FILIP1L: variants seen among roughly 807,000 people sequenced by gnomAD.
FILIP1L encodes the protein filamin A-interacting protein 1-like.
Under a neutral mutation model 96.6 loss-of-function variants are expected in FILIP1L, and 55 were observed. That is an observed-to-expected ratio of 0.57 (90% CI 0.46 to 0.71). FILIP1L has a LOEUF of 0.71. Ranked by LOEUF, FILIP1L falls within the 30% of genes least tolerant of loss-of-function variation. FILIP1L has a pLI of 0.00. For synonymous variants in FILIP1L, 467 were observed against 473.9 expected (o/e 0.99, Z 0.19); for missense variants, 1,304 against 1,321.2 (o/e 0.99, Z 0.20).
chr3:99,931,063 A>T, intron 1 of FILIP1L, 33 bp from the exon 2 acceptor site: 1 of 1,588,478 alleles, frequency 6.3e-7, no homozygotes, highest in South Asian at 1.1e-5. Context: ...GTAAAGCTTA[A>T]TGGAAATGGA....
At chr3:99,990,183 G>T (rs1459396740) in intron 1 of FILIP1L, among the ~76,000 whole-genome samples, 1 of 152,136 alleles carries the variant, frequency 6.6e-6, no homozygotes, top group Non-Finnish European at 1.5e-5. Context: ...AAACAGAAAG[G>T]CTAGTCCTAA....
intron 4 of FILIP1L, among the ~76,000 whole-genome samples, chr3:99,881,144 G>A (rs943657747): frequency 6.6e-6 from 1 of 152,106 alleles, no homozygotes; most frequent in Non-Finnish European, 1.5e-5. Flanking sequence ...GTTTACAGGG[G>A]ATGCCATAAG....
intron 1 of FILIP1L, among the ~76,000 whole-genome samples, chr3:100,058,527 C>G (rs2065504569): frequency 6.6e-6 from 1 of 152,232 alleles, no homozygotes; most frequent in Non-Finnish European, 1.5e-5. Flanking sequence ...TACTCACATC[C>G]CCAATCTAAA....
At chr3:100,051,896 ATATT>A (rs1170250068) in intron 1 of FILIP1L, among the ~76,000 whole-genome samples, 1 of 148,584 alleles carries the variant, frequency 6.7e-6, no homozygotes, top group African/African-American at 2.4e-5. Context: ...TATATGTCAT[ATATT>A]TATTAATATG....
intron 4 of FILIP1L, among the ~76,000 whole-genome samples, chr3:99,871,417 T>C (rs1944780813): frequency 6.6e-6 from 1 of 152,234 alleles, no homozygotes; most frequent in Non-Finnish European, 1.5e-5. Flanking sequence ...CTCGGTACTT[T>C]CCTAGGCACT....
At chr3:99,932,207 C>T (rs139048546) in intron 1 of FILIP1L, among the ~76,000 whole-genome samples, 81 of 152,224 alleles carry the variant, frequency 5.3e-4, no homozygotes, top group African/African-American at 1.9e-3. Context: ...GAAGTAACCA[C>T]GTAATCTTGA....
chr3:100,110,185 G>A (rs2066467132), intron 1 of FILIP1L, among the ~76,000 whole-genome samples: 1 of 151,962 alleles, frequency 6.6e-6, no homozygotes. Flanking sequence ...AAAACTGGAG[G>A]GGAAAACATA....
At chr3:99,971,060 G>A (rs961936392) in intron 1 of FILIP1L, among the ~76,000 whole-genome samples, 10 of 152,168 alleles carry the variant, frequency 6.6e-5, no homozygotes, top group Non-Finnish European at 1.3e-4. Context: ...TATGGGGGCT[G>A]GGCGTGGTGG....
intron 1 of FILIP1L, among the ~76,000 whole-genome samples, chr3:100,029,795 C>T (rs987010517): frequency 6.6e-6 from 1 of 152,156 alleles, no homozygotes; most frequent in Non-Finnish European, 1.5e-5. Flanking sequence ...GAGCCTGTCA[C>T]TACGCTATAT....
intron 1 of FILIP1L, among the ~76,000 whole-genome samples, chr3:100,010,778 A>ATTTTTTTTTTTTTTTTTT (rs11371196): frequency 1.1e-5 from 1 of 93,678 alleles, no homozygotes; most frequent in Non-Finnish European, 2.0e-5. Context: ...CCACGCCCGG[A>ATTTTTTTTTTTTTTTTTT]TTTTTTTTTT....
chr3:100,089,904 T>C (rs1445941551), intron 1 of FILIP1L, among the ~76,000 whole-genome samples: 1 of 152,204 alleles, frequency 6.6e-6, no homozygotes, highest in African/African-American at 2.4e-5. Flanking sequence ...GGCTGTGAAC[T>C]GTAGGAATTG....
intron 1 of FILIP1L, among the ~76,000 whole-genome samples, chr3:100,016,450 G>GTGAGCTA (rs1398980281): frequency 6.6e-6 from 1 of 152,164 alleles, no homozygotes; most frequent in Admixed American, 6.5e-5. Context: ...CTCGGAAAGT[G>GTGAGCTA]CTGGGATTAC....
intron 4 of FILIP1L, among the ~76,000 whole-genome samples, chr3:99,854,871 C>A (rs1208073362): frequency 1.3e-5 from 2 of 152,182 alleles, no homozygotes; most frequent in Admixed American, 6.5e-5. Context: ...ATCTTCCCTG[C>A]TAGTGGCCTA....
chr3:99,892,633 C>T (rs147206764), intron 4 of FILIP1L, among the ~76,000 whole-genome samples: 4 of 152,310 alleles, frequency 2.6e-5, no homozygotes, highest in South Asian at 4.1e-4. Flanking sequence ...AAACCTGCAA[C>T]ACCCAGAGGT....
intron 1 of FILIP1L, among the ~76,000 whole-genome samples, chr3:100,070,933 T>C (rs1220292779): frequency 1.3e-5 from 2 of 152,160 alleles, no homozygotes; most frequent in South Asian, 4.1e-4. Context: ...GCCTGGCCTG[T>C]GGTTTTCTTT....
chr3:99,877,074 C>G (rs1221047684), intron 4 of FILIP1L, among the ~76,000 whole-genome samples: 1 of 152,148 alleles, frequency 6.6e-6, no homozygotes, highest in African/African-American at 2.4e-5. Flanking sequence ...TTTACTTGTA[C>G]AAATCCTACT....
intron 1 of FILIP1L, among the ~76,000 whole-genome samples, chr3:100,091,279 C>T (rs1312433337): frequency 4.2e-5 from 6 of 142,900 alleles, no homozygotes; most frequent in African/African-American, 1.6e-4. Context: ...AGCGAGACTC[C>T]GTCTCAAAAA....
intron 1 of FILIP1L, among the ~76,000 whole-genome samples, chr3:100,010,816 T>TG (rs1265963937): frequency 4.6e-5 from 4 of 86,080 alleles, no homozygotes; most frequent in African/African-American, 9.5e-5. Flanking sequence ...TTAGTAGAGG[T>TG]GGGGGTTTCA....
rs950054832 is a variant in FILIP1L at position 99,877,967 on chromosome 3, C to T, written c.606-26897G>A. Among the ~76,000 whole-genome samples the T allele has an allele frequency of 2.6e-5, 4 of 152,300 alleles. No homozygotes were observed. The South Asian group carries it at 8.3e-4, about 32-fold the overall frequency. On this transcript the variant is annotated intron_variant, in intron 4 of 5. Coordinates refer to ENST00000477258, the MANE Select transcript of FILIP1L (RefSeq NM_001387850.1). ...TTTGTTTCTTTCTCACATATCCATA[C>T]TCAAGTTTTGCATTTATTTTCATTC...
Sources: gnomAD v4.1 joint callset for allele counts (sites outside exome capture counted in the v4.1 genomes callset) on GRCh38, gnomAD v4.1.1 for gene constraint, MANE v1.5 for transcripts, NCBI Gene and HGNC (gene_info 2026-07-23, HGNC 2026-07-21) for gene names.